SLC9A9: variants seen among roughly 807,000 people sequenced by gnomAD.
SLC9A9 encodes sodium/hydrogen exchanger 9.
Under a neutral mutation model 77.8 loss-of-function variants are expected in SLC9A9, and 62 were observed. That is an observed-to-expected ratio of 0.80 (90% CI 0.65 to 0.98). The LOEUF is 0.98. SLC9A9 is among the 50% of genes least tolerant of loss of function. The probability of loss-of-function intolerance (pLI) is 0.00; values close to 1 mark genes in which losing one functional copy is unlikely to be tolerated. For synonymous variants in SLC9A9, 320 were observed against 283.5 expected (o/e 1.13, Z -1.29); for missense variants, 775 against 774.9 (o/e 1.00, Z 0.00).
chr3:143,831,076 C>G (rs73159817), intron 2 of SLC9A9, among the ~76,000 whole-genome samples: 1 of 151,796 alleles, frequency 6.6e-6, no homozygotes, highest in African/African-American at 2.4e-5. Context: ...AAATGGCAGA[C>G]CAAGTACCTC....
At chr3:143,589,900 A>C (rs1302416826) in intron 6 of SLC9A9, among the ~76,000 whole-genome samples, 1 of 152,176 alleles carries the variant, frequency 6.6e-6, no homozygotes, top group African/African-American at 2.4e-5. Flanking sequence ...TCATAGACTG[A>C]GGCAAAGTCC....
At chr3:143,284,695 C>T (rs1353604920) in intron 14 of SLC9A9, among the ~76,000 whole-genome samples, 1 of 152,140 alleles carries the variant, frequency 6.6e-6, no homozygotes, top group Non-Finnish European at 1.5e-5. Context: ...GAGATTTCCA[C>T]TTCAACCTAA....
chr3:143,482,937 G>A (rs2035596436), intron 11 of SLC9A9, among the ~76,000 whole-genome samples: 1 of 152,172 alleles, frequency 6.6e-6, no homozygotes, highest in African/African-American at 2.4e-5. Context: ...AGTTTCAGGG[G>A]CGCTTAGCAT....
chr3:143,606,776 A>T (rs1461582452), intron 6 of SLC9A9, among the ~76,000 whole-genome samples: 1 of 151,990 alleles, frequency 6.6e-6, no homozygotes, highest in Non-Finnish European at 1.5e-5. Context: ...AAAAACAAAA[A>T]GATAGAAAGG....
At position 143,693,224 on chromosome 3, in the gene SLC9A9, A is replaced by T. The variant is rs1477711906; in HGVS notation, c.617T>A (p.Phe206Tyr). 2 of 1,613,340 alleles carry T rather than the reference A, an allele frequency of 1.2e-6. No individual in the cohort carries two copies. Among genetic ancestry groups the T allele is most frequent in the South Asian group, 1.1e-5 (1 of 91,056 alleles). The change falls in exon 5 of 16, where the codon TTT becomes TAT. Residue 206 changes from phenylalanine (F) to tyrosine (Y), a missense_variant. Transcript: ENST00000316549. ...TGTAGCAGACATCAGTGAACCAAAA[A>T]ATAAACAGTCAGTGAAATGAAAGTC... Reference protein sequence around the residue: ...NGDFHFTDCLFFGSLMSATDP... With the variant: ...NGDFHFTDCLYFGSLMSATDP...
chr3:143,698,651 T>C (rs1933706751), intron 4 of SLC9A9, among the ~76,000 whole-genome samples: 1 of 152,236 alleles, frequency 6.6e-6, no homozygotes, highest in Admixed American at 6.5e-5. Context: ...TTTAAAAATA[T>C]AGTAACTTAA....
chr3:143,805,757 C>G (rs902560839), intron 2 of SLC9A9, among the ~76,000 whole-genome samples: 7 of 152,158 alleles, frequency 4.6e-5, no homozygotes, highest in Non-Finnish European at 7.3e-5. Context: ...GAACAACCCC[C>G]TTTGACTGTA....
intron 2 of SLC9A9, chr3:143,811,844 A>T (rs529732417): frequency 2.9e-6 from 1 of 347,114 alleles, no homozygotes; most frequent in Admixed American, 4.3e-5. Context: ...GCTGGGTGAC[A>T]GAGAGAGATC....
intron 12 of SLC9A9, among the ~76,000 whole-genome samples, chr3:143,451,312 C>T (rs532438719): frequency 1.9e-3 from 286 of 152,290 alleles, no homozygotes; most frequent in Non-Finnish European, 2.9e-3. Flanking sequence ...TAAGCAGTTT[C>T]TTCCAAGTGA....
intron 9 of SLC9A9, among the ~76,000 whole-genome samples, chr3:143,514,291 C>T (rs1559947926): frequency 6.6e-6 from 1 of 151,806 alleles, no homozygotes; most frequent in Non-Finnish European, 1.5e-5. Context: ...GTGCTGTCAT[C>T]CAGGCTTTGT....
intron 2 of SLC9A9, among the ~76,000 whole-genome samples, chr3:143,827,044 A>G (rs2009317606): frequency 1.3e-5 from 2 of 152,228 alleles, no homozygotes. Context: ...ATTTGTGTTG[A>G]AAGAATAAAT....
At chr3:143,795,165 G>C (rs1443837127) in intron 3 of SLC9A9, 88 bp from the exon 4 acceptor site, 4 of 1,253,158 alleles carry the variant, frequency 3.2e-6, no homozygotes, top group South Asian at 1.3e-5. Context: ...GCAGTTCACA[G>C]ACCCCTCACT....
intron 14 of SLC9A9, among the ~76,000 whole-genome samples, chr3:143,358,618 A>C (rs367953940): frequency 6.6e-5 from 10 of 152,212 alleles, no homozygotes; most frequent in African/African-American, 2.4e-4. Flanking sequence ...GTCAAGCAAC[A>C]TCATTAGTCA....
chr3:143,288,683 T>C (rs925064109), intron 14 of SLC9A9, among the ~76,000 whole-genome samples: 1 of 152,176 alleles, frequency 6.6e-6, no homozygotes, highest in Non-Finnish European at 1.5e-5. Context: ...GCAGTGATGT[T>C]CCACAAAGAC....
At chr3:143,657,932 T>A (rs1035820399) in intron 5 of SLC9A9, among the ~76,000 whole-genome samples, 1 of 152,164 alleles carries the variant, frequency 6.6e-6, no homozygotes, top group Non-Finnish European at 1.5e-5. Context: ...AGTGGCGCAA[T>A]CTCAGCTCAC....
intron 9 of SLC9A9, among the ~76,000 whole-genome samples, chr3:143,501,537 G>A (rs2035923189): frequency 6.6e-6 from 1 of 150,826 alleles, no homozygotes; most frequent in South Asian, 2.1e-4. Flanking sequence ...AAAGAATGAA[G>A]CAATTTGCAT....
At chr3:143,478,836 G>A (rs2035525441) in intron 11 of SLC9A9, among the ~76,000 whole-genome samples, 1 of 152,220 alleles carries the variant, frequency 6.6e-6, no homozygotes, top group African/African-American at 2.4e-5. Flanking sequence ...ACACAAGCAA[G>A]CAATTAATAA....
At chr3:143,767,246 G>A (rs529385745) in intron 4 of SLC9A9, among the ~76,000 whole-genome samples, 8 of 152,074 alleles carry the variant, frequency 5.3e-5, no homozygotes, top group Non-Finnish European at 8.8e-5. Flanking sequence ...GGGCAGGACC[G>A]GGTAACAAGA....
chr3:143,448,484 A>G (rs573389023), intron 12 of SLC9A9, among the ~76,000 whole-genome samples: 2 of 152,276 alleles, frequency 1.3e-5, no homozygotes, highest in South Asian at 4.1e-4. Flanking sequence ...GAATCAGGAC[A>G]AAGTTTTAGA....
Sources: gnomAD v4.1 joint callset for allele counts (sites outside exome capture counted in the v4.1 genomes callset) on GRCh38, gnomAD v4.1.1 for gene constraint, MANE v1.5 for transcripts, NCBI Gene and HGNC (gene_info 2026-07-23, HGNC 2026-07-21) for gene names.